Variants in PAG1 observed in about 807,000 individuals in gnomAD.
The protein encoded by PAG1 is phosphoprotein associated with glycosphingolipid-enriched microdomains 1.
A neutral mutation model predicts 31.7 loss-of-function variants in PAG1; 23 were observed. The ratio of observed to expected loss-of-function variants is 0.73; its 90% CI spans 0.52 to 1.03. The LOEUF (loss-of-function observed/expected upper bound fraction) is 1.03. Among genes scored for constraint, PAG1 ranks in the 50% least tolerant of loss-of-function variants. PAG1 has a pLI of 0.00. For missense variants in PAG1, 473 were observed against 540.7 expected, an observed-to-expected ratio of 0.87 and a Z score of 1.24; for synonymous variants, 214 against 210.3, an observed-to-expected ratio of 1.02 and a Z score of -0.15.
chr8:81,063,726 A>T (rs1451265325), intron 2 of PAG1, among the ~76,000 whole-genome samples: 3 of 152,158 alleles, frequency 2.0e-5, no homozygotes, highest in African/African-American at 7.2e-5. Flanking sequence ...AAAAAACCAA[A>T]GAAGGAGGCA....
At chr8:81,056,211 A>G (rs1808820460) in intron 2 of PAG1, among the ~76,000 whole-genome samples, 1 of 152,192 alleles carries the variant, frequency 6.6e-6, no homozygotes, top group South Asian at 2.1e-4. Flanking sequence ...TAGAATTGGA[A>G]AAAACTACTT....
chr8:80,996,938 T>G (rs142779725), intron 3 of PAG1, among the ~76,000 whole-genome samples: 1 of 152,294 alleles, frequency 6.6e-6, no homozygotes, highest in East Asian at 1.9e-4. Flanking sequence ...AAGGTCCCTG[T>G]GGCAATCATG....
chr8:81,014,257 G>A (rs1045536753), intron 3 of PAG1, among the ~76,000 whole-genome samples: 10 of 152,152 alleles, frequency 6.6e-5, no homozygotes, highest in African/African-American at 1.2e-4. Flanking sequence ...TTTATAAACC[G>A]GAAATCATTC....
At chr8:81,075,550 A>G (rs1586204634) in intron 1 of PAG1, among the ~76,000 whole-genome samples, 1 of 152,334 alleles carries the variant, frequency 6.6e-6, no homozygotes, top group Non-Finnish European at 1.5e-5. Flanking sequence ...ATCAAGTACT[A>G]TTTGCAGACA....
intron 3 of PAG1, among the ~76,000 whole-genome samples, chr8:81,026,129 G>A (rs776935089): frequency 2.2e-4 from 34 of 152,218 alleles, no homozygotes; most frequent in Non-Finnish European, 3.4e-4. Context: ...TGATCAGGCA[G>A]ATTAAAGTTT....
chr8:81,050,091 T>C (rs1336378382), intron 2 of PAG1, among the ~76,000 whole-genome samples: 1 of 152,168 alleles, frequency 6.6e-6, no homozygotes, highest in African/African-American at 2.4e-5. Context: ...ATTTTTCCTA[T>C]AAAAACAAAA....
At chr8:81,038,042 C>T (rs1306256003) in intron 2 of PAG1, among the ~76,000 whole-genome samples, 1 of 152,186 alleles carries the variant, frequency 6.6e-6, no homozygotes, top group Non-Finnish European at 1.5e-5. Context: ...TCAGGTCTGC[C>T]TCAGGCATTT....
chr8:81,057,878 C>T (rs1808853675), intron 2 of PAG1, among the ~76,000 whole-genome samples: 1 of 152,108 alleles, frequency 6.6e-6, no homozygotes, highest in African/African-American at 2.4e-5. Context: ...CTTCTTTCCA[C>T]CATATATATA....
In PAG1 at chr8:81,017,972, C is replaced by T. The variant is rs1808100519; in HGVS notation, c.-81+12024G>A. Among the ~76,000 whole-genome samples, 3 of 152,124 alleles carry T rather than the reference C, an allele frequency of 2.0e-5. No individual in the cohort carries two copies. In the South Asian group the frequency reaches 6.2e-4, roughly 31 times the overall value. On this transcript the variant is annotated intron_variant, in intron 3 of 8. Coordinates refer to ENST00000220597, the MANE Select transcript of PAG1 (RefSeq NM_018440.4). Reference sequence around the variant, plus strand: ...ATTTTAAAGGCAGTCCTAAATAAACCCTTTTTATATGTCTATAATCAAAAC... The same window carrying T: ...ATTTTAAAGGCAGTCCTAAATAAACTCTTTTTATATGTCTATAATCAAAAC...
chr8:81,102,297 G>A (rs1586221049), intron 1 of PAG1, among the ~76,000 whole-genome samples: 1 of 152,066 alleles, frequency 6.6e-6, no homozygotes, highest in East Asian at 1.9e-4. Flanking sequence ...TAAGATAGCT[G>A]CCTAACGTTT....
At chr8:81,036,122 G>A (rs1007828218) in intron 2 of PAG1, among the ~76,000 whole-genome samples, 1 of 152,040 alleles carries the variant, frequency 6.6e-6, no homozygotes, top group Non-Finnish European at 1.5e-5. Flanking sequence ...TGTCAAGATG[G>A]TCCTAATTCT....
At chr8:81,093,306 C>T (rs1190760780) in intron 1 of PAG1, among the ~76,000 whole-genome samples, 1 of 151,956 alleles carries the variant, frequency 6.6e-6, no homozygotes, top group Non-Finnish European at 1.5e-5. Flanking sequence ...GAGGGTGGTC[C>T]GAAAGTCTAG....
rs577780651 is a variant in PAG1 at position 81,094,119 on chromosome 8, T to C, written c.-234+17472A>G. Among the ~76,000 whole-genome samples, 3 of 152,100 alleles carry C rather than the reference T, an allele frequency of 2.0e-5. No homozygotes were observed. In the East Asian group the frequency reaches 5.8e-4, roughly 29 times the overall value. On this transcript the variant is annotated intron_variant, in intron 1 of 8. Coordinates refer to ENST00000220597, the MANE Select transcript of PAG1 (RefSeq NM_018440.4). ...GGAGCAGGGGGCCACCATAGGAAAA[T>C]GTTTTCTTGTCTTTTTTTGTTTTTC...
At chr8:81,061,028 T>C (rs1325625216) in intron 2 of PAG1, among the ~76,000 whole-genome samples, 2 of 152,206 alleles carry the variant, frequency 1.3e-5, no homozygotes, top group African/African-American at 2.4e-5. Flanking sequence ...ATAAATTAAG[T>C]AGACTTTGTA....
chr8:80,994,864 T>C (rs1379492567), intron 3 of PAG1, among the ~76,000 whole-genome samples: 1 of 152,252 alleles, frequency 6.6e-6, no homozygotes, highest in African/African-American at 2.4e-5. Context: ...TTTAAGTTGG[T>C]CTCAAGTGTC....
rs1439485157 is a variant in PAG1 at position 81,111,657 on chromosome 8, C to A, written c.-300G>T. 4 of 152,402 alleles carry A rather than the reference C, an allele frequency of 2.6e-5. No homozygotes were observed. The highest frequency in any genetic ancestry group is 5.9e-5 in the Non-Finnish European group (4 of 68,206). The allele number at this position is 152,402 out of a possible 1,614,324, so 9.4% of individuals were successfully genotyped here. Reference sequence around the variant, plus strand: ...CGGAGGCAGCCTCTGCAAACTCCGGCGCGCAGCGCCGCCGCCCCGGCACAG... The same window carrying A: ...CGGAGGCAGCCTCTGCAAACTCCGGAGCGCAGCGCCGCCGCCCCGGCACAG... On this transcript the variant is annotated 5_prime_UTR_variant, in exon 1 of 9. Coordinates refer to ENST00000220597, the MANE Select transcript of PAG1 (RefSeq NM_018440.4).
Position 80,976,481 on chromosome 8 carries a change from C to T in PAG1, c.*63G>A. On this transcript the variant is annotated 3_prime_UTR_variant, in exon 9 of 9. Coordinates refer to ENST00000220597, the MANE Select transcript of PAG1 (RefSeq NM_018440.4). ...AGTATAGGTTTGTGTCACTTCTTCT[C>T]TTCCACAGAAGAAACGTCTCCAGAC... The T allele has an allele frequency of 6.7e-7, 1 of 1,498,212 alleles. No individual in the cohort carries two copies. Among genetic ancestry groups the T allele is most frequent in the East Asian group, 2.3e-5 (1 of 44,362 alleles). The allele number at this position is 1,498,212 out of a possible 1,614,324, so 92.8% of individuals were successfully genotyped here.
chr8:81,059,833 T>C (rs1025731229), intron 2 of PAG1, among the ~76,000 whole-genome samples: 6 of 152,044 alleles, frequency 3.9e-5, no homozygotes, highest in African/African-American at 1.4e-4. Flanking sequence ...CTGGCCAACA[T>C]GGTGAAACCC....
At chr8:81,030,314 A>G in intron 2 of PAG1, among the ~76,000 whole-genome samples, 1 of 152,218 alleles carries the variant, frequency 6.6e-6, no homozygotes, top group Middle Eastern at 3.2e-3. Flanking sequence ...CTATCTCCCC[A>G]TCCACCCAAA....
Sources: allele counts gnomAD v4.1 joint callset (sites outside exome capture counted in the v4.1 genomes callset), GRCh38; gene constraint gnomAD v4.1.1; transcripts MANE v1.5; gene names NCBI Gene and HGNC (gene_info 2026-07-23, HGNC 2026-07-21).